The following UNC79 variants were observed in gnomAD, a reference collection of about 807,000 sequenced individuals.
The protein encoded by UNC79 is unc-79 subunit of NALCN channel complex.
In UNC79, 37 loss-of-function variants were observed where a neutral mutation model predicts 283.1. The observed-to-expected ratio is 0.13, with a 90% CI of 0.10 to 0.17. The LOEUF (loss-of-function observed/expected upper bound fraction) is 0.17. UNC79 is among the 10% of genes least tolerant of loss of function. The pLI is 1.00. For missense variants in UNC79, 2,272 were observed against 3,211.1 expected, an observed-to-expected ratio of 0.71 and a Z score of 7.07; for synonymous variants, 1,107 against 1,200.2, an observed-to-expected ratio of 0.92 and a Z score of 1.61.
At chr14:93,358,273 C>A (rs1209612742) in intron 1 of UNC79, among the ~76,000 whole-genome samples, 3 of 151,996 alleles carry the variant, frequency 2.0e-5, no homozygotes, top group African/African-American at 7.3e-5. Flanking sequence ...TACATCATAC[C>A]TTTGACTATA....
At chr14:93,622,792 C>T (rs759503102) in exon 30 of UNC79, 10 of 1,614,094 alleles carry the variant, frequency 6.2e-6, no homozygotes, top group South Asian at 1.1e-5. Context: ...GAGAGTACCT[C>T]GACATCTCCT....
chr14:93,567,712 A>T (rs1041800233), intron 14 of UNC79, among the ~76,000 whole-genome samples: 1 of 152,228 alleles, frequency 6.6e-6, no homozygotes, highest in African/African-American at 2.4e-5. Flanking sequence ...CAGTAGAATG[A>T]CTACTTTCTT....
Position 93,688,540 on chromosome 14 carries a change from T to C in UNC79, c.6910-125T>C. On this transcript the variant is annotated intron_variant, in intron 43 of 48. Coordinates refer to ENST00000555664, the Ensembl canonical transcript of UNC79. This position sits in a 1 kb window ranked among gnomAD's most constrained non-coding sequence, Gnocchi z 4.0. ...ACAATGGGAAGGCTCTGAAGAAGTT[T>C]AAGCAGGTTGTTTGCTCAGAGTGGC... The C allele has an allele frequency of 9.4e-7, 1 of 1,065,924 alleles. No individual in the cohort carries two copies. The highest frequency in any genetic ancestry group is 1.3e-6 in the Non-Finnish European group (1 of 746,024). 66.0% of individuals were successfully genotyped at this position (1,065,924 alleles called of 1,614,324 possible).
At chr14:93,529,036 G>C (rs1000264475) in intron 9 of UNC79, among the ~76,000 whole-genome samples, 1 of 152,184 alleles carries the variant, frequency 6.6e-6, no homozygotes, top group Admixed American at 6.5e-5. Flanking sequence ...TACAGATCAT[G>C]CAGTATTTTG....
chr14:93,412,197 A>G (rs1390019904), intron 1 of UNC79, among the ~76,000 whole-genome samples: 1 of 152,190 alleles, frequency 6.6e-6, no homozygotes, highest in African/African-American at 2.4e-5. Flanking sequence ...GAGGAGAAAG[A>G]ATTAGTGGGC....
At chr14:93,361,713 G>A (rs776568395) in intron 1 of UNC79, among the ~76,000 whole-genome samples, 25 of 152,184 alleles carry the variant, frequency 1.6e-4, no homozygotes, top group Admixed American at 5.2e-4. Flanking sequence ...GCTCTGGCTA[G>A]GACTTCCAGT....
Position 93,529,338 on chromosome 14 carries a change from T to A in UNC79, c.1093+12T>A, listed in dbSNP as rs1000816928. On this transcript the variant is annotated intron_variant, in intron 10 of 48. Transcript: ENST00000555664. The stretch of plus-strand genomic sequence containing the variant: ...TCTTCTGCCACAAGGTATGGTTTAC[T>A]TAGGAAAGGATGAATAATGAGTAAT... 8.1e-6 allele frequency: 13 copies of A among 1,613,692 alleles called. No homozygotes were observed. Among genetic ancestry groups the A allele is most frequent in the Non-Finnish European group, 1.1e-5 (13 of 1,179,792 alleles).
intron 1 of UNC79, among the ~76,000 whole-genome samples, chr14:93,436,340 C>T (rs1164254680): frequency 6.6e-6 from 1 of 152,136 alleles, no homozygotes; most frequent in Non-Finnish European, 1.5e-5. Flanking sequence ...TCAAATGTTA[C>T]AGTATTTATA....
At chr14:93,705,109 C>T (rs764273841) in intron 48 of UNC79, among the ~76,000 whole-genome samples, 1 of 151,938 alleles carries the variant, frequency 6.6e-6, no homozygotes, top group Non-Finnish European at 1.5e-5. Context: ...GTGGCATGCA[C>T]CTGTGGTTCT....
At chr14:93,458,749 C>T (rs1318350886) in intron 1 of UNC79, among the ~76,000 whole-genome samples, 1 of 152,036 alleles carries the variant, frequency 6.6e-6, no homozygotes, top group African/African-American at 2.4e-5. Flanking sequence ...TCATTTCAAC[C>T]ACCGTGCTAC....
At chr14:93,592,151 A>ACATT (rs2064729162) in intron 22 of UNC79, among the ~76,000 whole-genome samples, 1 of 151,016 alleles carries the variant, frequency 6.6e-6, no homozygotes, top group Admixed American at 6.6e-5. Flanking sequence ...TATATTTTAT[A>ACATT]CATTCATTAC....
intron 22 of UNC79, among the ~76,000 whole-genome samples, chr14:93,590,552 C>G (rs539807369): frequency 2.0e-5 from 3 of 152,266 alleles, no homozygotes; most frequent in African/African-American, 7.2e-5. Flanking sequence ...AGCAACCCCC[C>G]AGAATGTACA....
At chr14:93,516,067 T>A (rs922450939) in intron 7 of UNC79, among the ~76,000 whole-genome samples, 3 of 152,122 alleles carry the variant, frequency 2.0e-5, no homozygotes, top group African/African-American at 7.2e-5. Context: ...GATATCCAGT[T>A]GTTTCAGTTC....
chr14:93,704,697 CG>C (rs1352512380), intron 48 of UNC79, 31 bp downstream of exon 51: 1 of 1,612,082 alleles, frequency 6.2e-7, no homozygotes, highest in African/African-American at 1.3e-5. Flanking sequence ...ATTGGAAGCT[CG>C]GTTTCCTGCA....
intron 1 of UNC79, among the ~76,000 whole-genome samples, chr14:93,361,622 A>G (rs2139943171): frequency 6.6e-6 from 1 of 151,334 alleles, no homozygotes; most frequent in East Asian, 1.9e-4. Context: ...TTCTAGATAT[A>G]GGATCATATC....
chr14:93,528,509 G>A (rs773252165), intron 8 of UNC79, 49 bp from the exon 9 acceptor site: 14 of 1,546,000 alleles, frequency 9.1e-6, no homozygotes, highest in Non-Finnish European at 1.2e-5. Flanking sequence ...TATAGGGAAT[G>A]TGATACCCAG....
chr14:93,593,824 G>C, exon 23 of UNC79: 1 of 1,613,636 alleles, frequency 6.2e-7, no homozygotes, highest in Non-Finnish European at 8.5e-7. Context: ...ACTGGAAGAT[G>C]AGGTTTGAAG....
At chr14:93,622,227 C>T (rs369535494) in exon 30 of UNC79, 1 of 1,614,138 alleles carries the variant, frequency 6.2e-7, no homozygotes, top group East Asian at 2.2e-5. Context: ...AAAAATGCTG[C>T]CTCTTCTCCC....
intron 23 of UNC79, 128 bp from the exon 24 acceptor site, chr14:93,597,231 C>A: frequency 1.1e-6 from 1 of 918,358 alleles, no homozygotes; most frequent in Non-Finnish European, 1.7e-6. Flanking sequence ...TAAAGTAAAC[C>A]ATGCGGGAGA....
Sources: allele counts gnomAD v4.1 joint callset (sites outside exome capture counted in the v4.1 genomes callset), GRCh38; gene constraint gnomAD v4.1.1; non-coding constraint Gnocchi (gnomAD v3.1); transcripts MANE v1.5; gene names NCBI Gene and HGNC (gene_info 2026-07-23, HGNC 2026-07-21).